TENT4B: variants seen among roughly 807,000 people sequenced by gnomAD.
The protein encoded by TENT4B is PAP associated domain containing 5.
A neutral mutation model predicts 75.0 loss-of-function variants in TENT4B; 10 were observed. That is an observed-to-expected ratio of 0.13 (90% CI 0.08 to 0.23). TENT4B has a LOEUF of 0.23. Ranked by LOEUF, TENT4B falls within the 10% of genes least tolerant of loss-of-function variation. The pLI is 1.00. For synonymous variants in TENT4B, 350 were observed against 357.7 expected, an observed-to-expected ratio of 0.98 and a Z score of 0.24; for missense variants, 579 against 893.8, an observed-to-expected ratio of 0.65 and a Z score of 4.49.
At chr16:50,206,354 A>ATTTTTTTTTTTTTTTTTTTTTTTTTTGT (rs35118426) in intron 1 of TENT4B, among the ~76,000 whole-genome samples, 1 of 96,550 alleles carries the variant, frequency 1.0e-5, no homozygotes. Flanking sequence ...ATATGTATGT[A>ATTTTTTTTTTTTTTTTTTTTTTTTTTGT]TTTTTTTTTT....
At position 50,224,661 on chromosome 16, in the gene TENT4B, C is replaced by T. The variant is rs764748297; in HGVS notation, c.1386C>T (p.Asn462=). ...TTACGTATATTTCTTTTAAAGGTAA[C>T]GATGTTGGAAGGAGTTCATATGGGG... is the stretch of plus-strand genomic sequence containing the variant. ...LYIEDPLQPG[N]DVGRSSYGAM... The change falls in exon 8 of 12, where the codon AAC becomes AAT. Residue 462 remains asparagine (N), a synonymous_variant. Transcript: ENST00000561678. The T allele has an allele frequency of 3.1e-6, 5 of 1,613,788 alleles. No individual in the cohort carries two copies. The highest frequency in any genetic ancestry group is 2.2e-5 in the East Asian group (1 of 44,882).
chr16:50,169,275 C>T (rs2038160537), intron 1 of TENT4B, among the ~76,000 whole-genome samples: 2 of 151,690 alleles, frequency 1.3e-5, no homozygotes, highest in Admixed American at 1.3e-4. Flanking sequence ...CTTTCCTACT[C>T]TCTGGATTTT....
Position 50,234,015 on chromosome 16 carries a change from T to C in TENT4B, c.*4687T>C, listed in dbSNP as rs1295181099. 2 of 985,356 alleles carry C rather than the reference T, an allele frequency of 2.0e-6. No individual in the cohort carries two copies. The highest frequency in any genetic ancestry group is 2.4e-6 in the Non-Finnish European group (2 of 829,938). The allele number at this position is 985,356 out of a possible 1,614,324, so 61.0% of individuals were successfully genotyped here. On this transcript the variant is annotated 3_prime_UTR_variant, in exon 12 of 12. Transcript: ENST00000561678. ...TTTGTGGCTTCACCACTGAGCTACC[T>C]TTCACTACACCAGCTTCTGTGTGGC...
chr16:50,189,754 G>A (rs905207072), intron 1 of TENT4B, among the ~76,000 whole-genome samples: 7 of 151,842 alleles, frequency 4.6e-5, no homozygotes, highest in Admixed American at 1.3e-4. Flanking sequence ...TATTTATTAA[G>A]AAAATAGCAT....
chr16:50,193,671 A>G (rs1159438607), intron 1 of TENT4B, among the ~76,000 whole-genome samples: 1 of 152,004 alleles, frequency 6.6e-6, no homozygotes, highest in Non-Finnish European at 1.5e-5. Context: ...GGTTTGTCTG[A>G]TGGTTGGTTG....
rs1445381133 is a variant in TENT4B at position 50,231,326 on chromosome 16, A to G, written c.*1998A>G. 3.1e-6 allele frequency: 3 copies of G among 982,100 alleles called. No homozygotes were observed. The highest frequency in any genetic ancestry group is 3.6e-6 in the Non-Finnish European group (3 of 826,596). The allele number at this position is 982,100 out of a possible 1,614,324, so 60.8% of individuals were successfully genotyped here. On this transcript the variant is annotated 3_prime_UTR_variant, in exon 12 of 12. Coordinates refer to ENST00000561678, the MANE Select transcript of TENT4B (RefSeq NM_001365324.3). ...TATTTATTTTCTAGGACAATTGTGA[A>G]TGTGTAGACTTATGTTTACTGCTAA...
chr16:50,219,961 T>C (rs1276742987), intron 5 of TENT4B, among the ~76,000 whole-genome samples: 2 of 149,246 alleles, frequency 1.3e-5, no homozygotes, highest in African/African-American at 5.0e-5. Flanking sequence ...GATCACAGGC[T>C]TGCCCACCAC....
chr16:50,175,179 G>T lies in TENT4B; in HGVS notation c.638+20920G>T, dbSNP rs148245351. Among the ~76,000 whole-genome samples the T allele has an allele frequency of 3.3e-5, 5 of 152,136 alleles. No individual in the cohort carries two copies. The East Asian group carries it at 9.6e-4, about 29-fold the overall frequency. ...GGGTCTGGCTTCTTTGTATATTTTGGATAATAAGTCTTTTATTAGATACGT... is the reference window on the plus strand; with the variant it reads ...GGGTCTGGCTTCTTTGTATATTTTGTATAATAAGTCTTTTATTAGATACGT... On this transcript the variant is annotated intron_variant, in intron 1 of 11. Coordinates refer to ENST00000561678, the MANE Select transcript of TENT4B (RefSeq NM_001365324.3).
At position 50,153,488 on chromosome 16, in the gene TENT4B, G is replaced by GAGC. The variant is rs1167702206; in HGVS notation, c.-115_-113dup. The GAGC allele has an allele frequency of 1.1e-4, 101 of 948,212 alleles. No homozygotes were observed. Among genetic ancestry groups the GAGC allele is most frequent in the Admixed American group, 9.7e-4 (15 of 15,504 alleles). The allele number at this position is 948,212 out of a possible 1,614,324, so 58.7% of individuals were successfully genotyped here. A position where few individuals can be genotyped will look rare whatever the true frequency, so the allele number is the denominator to read the frequency against. ...GACCGCGCCGCCCGCGGCGGGCCCCGAGCAGCAGCAGCAGCAGCAGCGGCA... is the reference window on the plus strand; with the variant it reads ...GACCGCGCCGCCCGCGGCGGGCCCCGAGCAGCAGCAGCAGCAGCAGCAGCGGCA... On this transcript the variant is annotated 5_prime_UTR_variant, in exon 1 of 12. Transcript: ENST00000561678.
chr16:50,216,550 G>T lies in TENT4B; in HGVS notation c.930+355G>T, dbSNP rs531860790. Among the ~76,000 whole-genome samples, 5 of 152,312 alleles carry T rather than the reference G, an allele frequency of 3.3e-5. No individual in the cohort carries two copies. The East Asian group carries it at 9.6e-4, about 29-fold the overall frequency. On this transcript the variant is annotated intron_variant, in intron 4 of 11. Coordinates refer to ENST00000561678, the MANE Select transcript of TENT4B (RefSeq NM_001365324.3). ...TGATCTCCAACTCCTGGGCTCAAGT[G>T]ATCCACCCACCTCTGCCTCCCAAAA...
chr16:50,211,424 A>G lies in TENT4B; in HGVS notation c.740A>G (p.Lys247Arg). ...EVVNRIESVI[K>R]ELWPSADVQI... ...GTGAACAGGATCGAGAGTGTAATTA[A>G]GGAGCTCTGGCCCAGCGCTGACGTG... is the stretch of plus-strand genomic sequence containing the variant. Residue 247 changes from lysine (K) to arginine (R), a missense_variant, in exon 2 of 12, where the codon AAG becomes AGG. Lys to Arg is a conservative substitution (Grantham distance 26, BLOSUM62 2). This residue lies in a region of TENT4B where 18 missense variants were observed against 23.9 expected (regional missense o/e 0.75). Transcript: ENST00000561678. 6.2e-7 allele frequency: 1 copy of G among 1,604,026 alleles called. No homozygotes were observed. Among genetic ancestry groups the G allele is most frequent in the Non-Finnish European group, 8.5e-7 (1 of 1,177,532 alleles).
intron 11 of TENT4B, among the ~76,000 whole-genome samples, chr16:50,228,466 T>TA (rs1294821894): frequency 5.3e-5 from 8 of 152,248 alleles, no homozygotes; most frequent in African/African-American, 9.6e-5. Context: ...GCCACAGAGA[T>TA]ACTCTAGTTT....
intron 1 of TENT4B, among the ~76,000 whole-genome samples, chr16:50,193,537 A>G (rs981390282): frequency 2.6e-5 from 4 of 151,694 alleles, no homozygotes; most frequent in Non-Finnish European, 5.9e-5. Flanking sequence ...ATGGGATTTC[A>G]CCGTGTTTGC....
intron 1 of TENT4B, among the ~76,000 whole-genome samples, chr16:50,200,231 T>A (rs1365408976): frequency 6.6e-6 from 1 of 151,784 alleles, no homozygotes; most frequent in Non-Finnish European, 1.5e-5. Flanking sequence ...CTGGGCGTGG[T>A]CTTATGTGCC....
rs1290121807 is a variant in TENT4B at position 50,224,768 on chromosome 16, A to G, written c.1493A>G (p.Asn498Ser). 9.9e-6 allele frequency: 16 copies of G among 1,613,902 alleles called. No homozygotes were observed. Among genetic ancestry groups the G allele is most frequent in the South Asian group, 1.1e-5 (1 of 91,084 alleles). The change falls in exon 8 of 12, where the codon AAC becomes AGC. Residue 498 changes from asparagine (N) to serine (S), a missense_variant. By Grantham distance (46) the Asn-to-Ser change is conservative. Coordinates refer to ENST00000561678, the MANE Select transcript of TENT4B (RefSeq NM_001365324.3). ...TCACCAATAGCAAAGTACTATCCCA[A>G]CAATGAAACAGAAAGGTAAAAGTTC... ...AVSPIAKYYP[N>S]NETESILGRI...
intron 1 of TENT4B, among the ~76,000 whole-genome samples, chr16:50,209,091 AT>A (rs939247344): frequency 6.6e-6 from 1 of 152,062 alleles, no homozygotes; most frequent in African/African-American, 2.4e-5. Flanking sequence ...TGTGCTAAAT[AT>A]TTTTTGCCTT....
chr16:50,217,488 TTCCA>T, intron 4 of TENT4B, 64 bp from the exon 5 acceptor site: 5 of 822,966 alleles, frequency 6.1e-6, no homozygotes, highest in Non-Finnish European at 9.4e-6. Context: ...TCTAGTAGGC[TTCCA>T]TCCCCTGATT....
chr16:50,179,629 G>A (rs2038374686), intron 1 of TENT4B, among the ~76,000 whole-genome samples: 1 of 152,132 alleles, frequency 6.6e-6, no homozygotes, highest in South Asian at 2.1e-4. Context: ...TTACAACATG[G>A]TTAGAAATCA....
At chr16:50,190,589 C>T (rs959736482) in intron 1 of TENT4B, among the ~76,000 whole-genome samples, 2 of 152,032 alleles carry the variant, frequency 1.3e-5, no homozygotes, top group African/African-American at 4.8e-5. Flanking sequence ...CAAGGTTCAT[C>T]CATGTTGCAG....
Sources: gnomAD v4.1 joint callset for allele counts (sites outside exome capture counted in the v4.1 genomes callset) on GRCh38, gnomAD v4.1.1 for gene constraint, gnomAD v4.1.1 regional missense constraint, MANE v1.5 for transcripts, NCBI Gene and HGNC (gene_info 2026-07-23, HGNC 2026-07-21) for gene names.